Variants in PLEKHM1 observed in about 807,000 individuals in gnomAD.
The protein encoded by PLEKHM1 is pleckstrin homology domain-containing family M member 1.
A neutral mutation model predicts 94.3 loss-of-function variants in PLEKHM1; 28 were observed. The observed-to-expected ratio is 0.30, with a 90% CI of 0.22 to 0.41. PLEKHM1 has a LOEUF of 0.41. Ranked by LOEUF, PLEKHM1 falls within the 10% of genes least tolerant of loss-of-function variation. PLEKHM1 has a pLI of 1.00. For missense variants in PLEKHM1, 907 were observed against 1,358.6 expected (o/e 0.67, Z 5.22); for synonymous variants, 424 against 581.2 (o/e 0.73, Z 3.89).
Position 45,454,156 on chromosome 17 carries a change from G to A in PLEKHM1, c.1696C>T (p.Leu566=). 1 of 1,614,080 alleles carries A rather than the reference G, an allele frequency of 6.2e-7. No individual in the cohort carries two copies. The highest frequency in any genetic ancestry group is 1.1e-5 in the South Asian group (1 of 91,088). Residue 566 remains leucine, a synonymous_variant, in exon 7 of 12, where the codon CTG becomes TTG. Transcript: ENST00000430334. ...ELSPLEFRLY[L]SNEEHTCVEN... ...ACACAGGTGTGCTCCTCGTTGCTCA[G>A]GTAGAGGCGGAACTCCAGCGGGGAG...
chr17:45,438,092 C>T (rs1244344094), intron 11 of PLEKHM1, 123 bp from the exon 12 acceptor site: 18 of 740,258 alleles, frequency 2.4e-5, no homozygotes, highest in Middle Eastern at 3.5e-4. Flanking sequence ...AACCCATGCA[C>T]GCACACCGTG....
intron 8 of PLEKHM1, among the ~76,000 whole-genome samples, chr17:45,446,803 C>T (rs1463849559): frequency 2.6e-5 from 4 of 152,146 alleles, no homozygotes; most frequent in Non-Finnish European, 2.9e-5. Context: ...AGTCTGGCTT[C>T]GGAGTCAGAA....
rs1479525515 is a variant in PLEKHM1 at position 45,437,977 on chromosome 17, G to A, written c.3060-8C>T. The A allele has an allele frequency of 1.9e-6, 3 of 1,608,316 alleles. No homozygotes were observed. The East Asian group carries it at 6.7e-5, about 36-fold the overall frequency. On this transcript the variant is annotated splice_region_variant and splice_polypyrimidine_tract_variant and intron_variant, in intron 11 of 11. Transcript: ENST00000430334. The surrounding 1 kb of genome is among the most constrained non-coding windows in gnomAD (Gnocchi z 4.0). ...GTCTTGCACTCGGCACACCTGGGGAGAGAGCAGTAGGCCTGCTGGTGCCGG... is the reference window on the plus strand; with the variant it reads ...GTCTTGCACTCGGCACACCTGGGGAAAGAGCAGTAGGCCTGCTGGTGCCGG...
intron 5 of PLEKHM1, among the ~76,000 whole-genome samples, chr17:45,467,786 A>G (rs1345181912): frequency 6.6e-6 from 1 of 152,192 alleles, no homozygotes; most frequent in East Asian, 1.9e-4. Context: ...ACCAAAAATC[A>G]AAAAATATTA....
rs1434977252 is a variant in PLEKHM1 at position 45,458,110 on chromosome 17, C to T, written c.1579+59G>A. ...ATGGAAAACAGAACTTCACAGCTGC[C>T]TTCTGAAAGGCCTGGTCCCTGCAGA... On this transcript the variant is annotated intron_variant, in intron 6 of 11. Coordinates refer to ENST00000430334, the MANE Select transcript of PLEKHM1 (RefSeq NM_014798.3). 16 of 1,500,786 alleles carry T rather than the reference C, an allele frequency of 1.1e-5. No individual in the cohort carries two copies. The Admixed American group carries it at 2.9e-4, about 27-fold the overall frequency. 93.0% of individuals were successfully genotyped at this position (1,500,786 alleles called of 1,614,324 possible). A position where few individuals can be genotyped will look rare whatever the true frequency, so the allele number is the denominator to read the frequency against.
Position 45,436,499 on chromosome 17 carries a change from C to T in PLEKHM1, c.*1359G>A, listed in dbSNP as rs1597900481. 2 of 453,632 alleles carry T rather than the reference C, an allele frequency of 4.4e-6. No homozygotes were observed. Among genetic ancestry groups the T allele is most frequent in the South Asian group, 3.1e-5 (2 of 64,428 alleles). The allele number at this position is 453,632 out of a possible 1,614,324, so 28.1% of individuals were successfully genotyped here. A position where few individuals can be genotyped will look rare whatever the true frequency, so the allele number is the denominator to read the frequency against. ...GCTCATCTCTGACAGTGACATGCGG[C>T]TCTCCACCTGAGGCCTGACTCCAAG... On this transcript the variant is annotated 3_prime_UTR_variant, in exon 12 of 12. Coordinates refer to ENST00000430334, the MANE Select transcript of PLEKHM1 (RefSeq NM_014798.3).
At chr17:45,450,168 T>C (rs1193327598) in intron 8 of PLEKHM1, among the ~76,000 whole-genome samples, 11 of 122,900 alleles carry the variant, frequency 9.0e-5, no homozygotes, top group South Asian at 5.4e-4. Flanking sequence ...TACCTACCTA[T>C]CCATCCACCT....
chr17:45,461,232 G>A (rs954484081), intron 5 of PLEKHM1, among the ~76,000 whole-genome samples: 2 of 152,142 alleles, frequency 1.3e-5, no homozygotes, highest in Non-Finnish European at 2.9e-5. Context: ...CTTTGTTATG[G>A]TGGCCCTAGG....
chr17:45,465,585 C>T (rs2051294905), intron 5 of PLEKHM1, among the ~76,000 whole-genome samples: 1 of 152,058 alleles, frequency 6.6e-6, no homozygotes, highest in South Asian at 2.1e-4. Context: ...TGGTAGGCAT[C>T]TGTAATCCCA....
Position 45,453,895 on chromosome 17 carries a change from C to G in PLEKHM1, c.1957G>C (p.Gly653Arg). 1 of 1,613,812 alleles carries G rather than the reference C, an allele frequency of 6.2e-7. No individual in the cohort carries two copies. The highest frequency in any genetic ancestry group is 8.5e-7 in the Non-Finnish European group (1 of 1,179,764). ...AGCAGGTCTGAGGGAGAGAGGCAGC[C>G]CTGGGGCGCCTCGGGGGGTTCCTCA... ...QPEEPPEAPQ[G>R]CLSPSDLLSE... The change falls in exon 7 of 12, where the codon GGC (glycine) becomes CGC (arginine). Residue 653 changes from glycine to arginine, a missense_variant. Around this residue, in one of 3 missense-constraint regions of PLEKHM1, gnomAD observed 477 missense variants for 601.5 expected, o/e 0.79. Coordinates refer to ENST00000430334, the MANE Select transcript of PLEKHM1 (RefSeq NM_014798.3). This position sits in a 1 kb window ranked among gnomAD's most constrained non-coding sequence, Gnocchi z 4.1.
chr17:45,436,066 G>C lies in PLEKHM1; in HGVS notation c.*1792C>G, dbSNP rs1444337131. ...TAGTGTGGGCACTACCTTTCTGAGG[G>C]AGGGGAGGCGGGAAGAGTCAATGCA... On this transcript the variant is annotated 3_prime_UTR_variant, in exon 12 of 12. Coordinates refer to ENST00000430334, the MANE Select transcript of PLEKHM1 (RefSeq NM_014798.3). The C allele has an allele frequency of 4.4e-6, 2 of 456,526 alleles. No homozygotes were observed. Among genetic ancestry groups the C allele is most frequent in the South Asian group, 1.5e-5 (1 of 64,578 alleles). 28.3% of individuals were successfully genotyped at this position (456,526 alleles called of 1,614,324 possible). A position where few individuals can be genotyped will look rare whatever the true frequency, so the allele number is the denominator to read the frequency against.
At chr17:45,490,375 G>A (rs1469306335) in intron 1 of PLEKHM1, among the ~76,000 whole-genome samples, 1 of 152,102 alleles carries the variant, frequency 6.6e-6, no homozygotes, top group Non-Finnish European at 1.5e-5. Flanking sequence ...GGTCACGAGT[G>A]AAGCTGCATT....
chr17:45,454,528 C>T (rs1037058063), intron 6 of PLEKHM1: 1 of 605,432 alleles, frequency 1.7e-6, no homozygotes, highest in Non-Finnish European at 3.0e-6. Flanking sequence ...CCTCCACACG[C>T]CCTGTTCCCT....
intron 7 of PLEKHM1, among the ~76,000 whole-genome samples, chr17:45,452,613 A>G (rs2050804540): frequency 6.6e-6 from 1 of 151,702 alleles, no homozygotes; most frequent in Non-Finnish European, 1.5e-5. Flanking sequence ...GATAATCCAA[A>G]TAAAGCAGCT....
intron 5 of PLEKHM1, among the ~76,000 whole-genome samples, chr17:45,464,256 A>C (rs992315054): frequency 6.6e-6 from 1 of 152,188 alleles, no homozygotes; most frequent in Non-Finnish European, 1.5e-5. Context: ...TCTGTCCCCA[A>C]AGGGCCTTTG....
At chr17:45,469,426 C>G (rs888420725) in intron 4 of PLEKHM1, among the ~76,000 whole-genome samples, 1 of 152,198 alleles carries the variant, frequency 6.6e-6, no homozygotes, top group African/African-American at 2.4e-5. Context: ...TGACTAGCAA[C>G]TGCTCCTCCC....
At position 45,445,454 on chromosome 17, in the gene PLEKHM1, C is replaced by T. The variant is rs749901478; in HGVS notation, c.2837+16G>A. 1.2e-5 allele frequency: 19 copies of T among 1,604,524 alleles called. No individual in the cohort carries two copies. In the African/African-American group the frequency reaches 1.6e-4, roughly 14 times the overall value. ...GTGTACGTGCACTCACACGCATACA[C>T]GTAGAGGTTGCTCACCTCTTGCTGA... On this transcript the variant is annotated intron_variant, in intron 9 of 11. Transcript: ENST00000430334. The surrounding 1 kb of genome is among the most constrained non-coding windows in gnomAD (Gnocchi z 4.2).
downstream of PLEKHM1, among the ~76,000 whole-genome samples, chr17:45,435,371 C>A (rs2050230746): frequency 6.6e-6 from 1 of 152,276 alleles, no homozygotes; most frequent in African/African-American, 2.4e-5. Flanking sequence ...TGGAGGGGTC[C>A]CCTGGGCTTC....
chr17:45,484,464 A>G (rs1295789704), intron 1 of PLEKHM1, among the ~76,000 whole-genome samples: 2 of 152,228 alleles, frequency 1.3e-5, no homozygotes, highest in Non-Finnish European at 2.9e-5. Flanking sequence ...TTTTTCAGCC[A>G]ATTGCCAATC....
Sources: allele counts gnomAD v4.1 joint callset (sites outside exome capture counted in the v4.1 genomes callset), GRCh38; gene constraint gnomAD v4.1.1; regional missense constraint gnomAD v4.1.1; non-coding constraint Gnocchi (gnomAD v3.1); transcripts MANE v1.5; gene names NCBI Gene and HGNC (gene_info 2026-07-23, HGNC 2026-07-21).